KCNK10: variants seen among roughly 807,000 people sequenced by gnomAD.
The protein encoded by KCNK10 is potassium two pore domain channel subfamily K member 10, also known as potassium channel subfamily K member 10.
In KCNK10, 25 loss-of-function variants were observed where a neutral mutation model predicts 47.7. The ratio of observed to expected loss-of-function variants is 0.52; its 90% CI spans 0.38 to 0.73. The LOEUF (loss-of-function observed/expected upper bound fraction) is 0.73, where lower values mean the gene tolerates loss of function less well. Ranked by LOEUF, KCNK10 falls within the 30% of genes least tolerant of loss-of-function variation. KCNK10 has a pLI of 0.00. For missense variants in KCNK10, 563 were observed against 714.5 expected (o/e 0.79, Z 2.42); for synonymous variants, 303 against 285.6 (o/e 1.06, Z -0.61).
chr14:88,253,237 G>C (rs1886849761), intron 2 of KCNK10, among the ~76,000 whole-genome samples: 1 of 152,164 alleles, frequency 6.6e-6, no homozygotes, highest in South Asian at 2.1e-4. Flanking sequence ...CAGAGGATAG[G>C]GAAGGATTTG....
At chr14:88,235,225 C>T (rs1340180795) in intron 3 of KCNK10, 1 of 456,634 alleles carries the variant, frequency 2.2e-6, no homozygotes, top group Non-Finnish European at 4.4e-6. Context: ...TCTCCTCTCC[C>T]CAACTCCATG....
At position 88,287,674 on chromosome 14, in the gene KCNK10, GGTGTGTGTGTGTGTGTGTGTGTGT is replaced by G. The variant is rs199702993; in HGVS notation, c.53-24147_53-24124del. ...TTTTTATGGCTGAATAGTATTCCAT[GGTGTGTGTGTGTGTGTGTGTGTGT>G]GTGTGTGTGTGTGTGTGTGTGTGTG... On this transcript the variant is annotated intron_variant, in intron 1 of 6. Coordinates refer to ENST00000319231, the MANE Select transcript of KCNK10 (RefSeq NM_138317.3). 1.4e-3 allele frequency among the ~76,000 whole-genome samples: 198 copies of G among 141,528 alleles called. 1 individual carries two copies. Among genetic ancestry groups the G allele is most frequent in the South Asian group, 9.7e-3 (42 of 4,330 alleles). 92.8% of individuals were successfully genotyped at this position (141,528 alleles called of 152,430 possible). A position where few individuals can be genotyped will look rare whatever the true frequency, so the allele number is the denominator to read the frequency against.
In KCNK10 at chr14:88,270,753, A is replaced by T. The variant is rs746740042; in HGVS notation, c.53-7202T>A. Reference sequence around the variant, plus strand: ...CTTCTCTCACCTGAATCACTGCGACAGCCTTCAGTCCTGTCCCCCTTAAAT... The same window carrying T: ...CTTCTCTCACCTGAATCACTGCGACTGCCTTCAGTCCTGTCCCCCTTAAAT... On this transcript the variant is annotated intron_variant, in intron 1 of 6. Coordinates refer to ENST00000319231, the MANE Select transcript of KCNK10 (RefSeq NM_138317.3). 3.8e-6 allele frequency: 3 copies of T among 781,090 alleles called. No homozygotes were observed. In the East Asian group the frequency reaches 7.3e-5, roughly 19 times the overall value. 48.4% of individuals were successfully genotyped at this position (781,090 alleles called of 1,614,324 possible).
chr14:88,226,977 T>C (rs567558382), intron 4 of KCNK10, among the ~76,000 whole-genome samples: 1 of 152,296 alleles, frequency 6.6e-6, no homozygotes, highest in African/African-American at 2.4e-5. Flanking sequence ...AAAGACACTG[T>C]GCTTGAAAAT....
chr14:88,258,500 A>G (rs979293458), intron 2 of KCNK10, among the ~76,000 whole-genome samples: 1 of 152,176 alleles, frequency 6.6e-6, no homozygotes, highest in African/African-American at 2.4e-5. Context: ...CATGTTGGTC[A>G]GGCTGGTCTC....
At chr14:88,239,167 C>T (rs1038874275) in intron 3 of KCNK10, among the ~76,000 whole-genome samples, 1 of 151,824 alleles carries the variant, frequency 6.6e-6, no homozygotes, top group African/African-American at 2.4e-5. Flanking sequence ...CACCAATAGA[C>T]TTGTTCAATG....
chr14:88,262,490 G>C (rs1235791595), intron 2 of KCNK10, among the ~76,000 whole-genome samples: 1 of 152,168 alleles, frequency 6.6e-6, no homozygotes, highest in East Asian at 1.9e-4. Context: ...GCTCCTTACC[G>C]CCACAGTCCA....
chr14:88,237,666 G>A (rs575681886), intron 3 of KCNK10, among the ~76,000 whole-genome samples: 1 of 152,310 alleles, frequency 6.6e-6, no homozygotes, highest in Non-Finnish European at 1.5e-5. Context: ...GTGACTAGGT[G>A]CATTGTCAGT....
At chr14:88,292,578 C>T (rs1185506265) in intron 1 of KCNK10, among the ~76,000 whole-genome samples, 3 of 151,992 alleles carry the variant, frequency 2.0e-5, no homozygotes, top group Admixed American at 1.3e-4. Context: ...CTTGAACTGC[C>T]GACCTGAGGT....
At chr14:88,304,071 C>T (rs776745701) in intron 1 of KCNK10, among the ~76,000 whole-genome samples, 1 of 152,040 alleles carries the variant, frequency 6.6e-6, no homozygotes, top group Non-Finnish European at 1.5e-5. Flanking sequence ...CTAAATTGTA[C>T]TTTGGGAGAG....
chr14:88,196,838 T>C (rs1409767088), intron 4 of KCNK10, among the ~76,000 whole-genome samples: 3 of 152,244 alleles, frequency 2.0e-5, no homozygotes, highest in Non-Finnish European at 2.9e-5. Flanking sequence ...CTTCATTTTC[T>C]TATAACATGT....
chr14:88,292,789 C>T (rs756573059), intron 1 of KCNK10, among the ~76,000 whole-genome samples: 10 of 152,194 alleles, frequency 6.6e-5, no homozygotes, highest in Non-Finnish European at 1.0e-4. Context: ...CACACCACCA[C>T]GCCCAGCTAG....
At chr14:88,200,876 A>C (rs1885078991) in intron 4 of KCNK10, among the ~76,000 whole-genome samples, 1 of 152,250 alleles carries the variant, frequency 6.6e-6, no homozygotes, top group African/African-American at 2.4e-5. Context: ...GTGATAAATC[A>C]GACGTGTTGT....
intron 4 of KCNK10, among the ~76,000 whole-genome samples, chr14:88,196,041 T>C (rs1042856318): frequency 2.6e-5 from 4 of 152,268 alleles, no homozygotes; most frequent in Non-Finnish European, 4.4e-5. Flanking sequence ...ATATGATATT[T>C]GGGTAGAACT....
chr14:88,259,211 A>G (rs936723799), intron 2 of KCNK10, among the ~76,000 whole-genome samples: 1 of 152,238 alleles, frequency 6.6e-6, no homozygotes, highest in African/African-American at 2.4e-5. Context: ...AAGAGTGGAC[A>G]CTTTCATCCT....
chr14:88,228,474 T>G (rs1177591189), intron 3 of KCNK10, among the ~76,000 whole-genome samples: 1 of 152,216 alleles, frequency 6.6e-6, no homozygotes. Context: ...CTAAATTAAT[T>G]AATATTCATT....
At chr14:88,189,036 G>T (rs1884661459) in intron 5 of KCNK10, among the ~76,000 whole-genome samples, 1 of 152,132 alleles carries the variant, frequency 6.6e-6, no homozygotes, top group African/African-American at 2.4e-5. Context: ...GCAGGCAGTG[G>T]CCATTTCTAA....
At chr14:88,205,542 CT>C (rs200265659) in intron 4 of KCNK10, among the ~76,000 whole-genome samples, 3,738 of 115,736 alleles carry the variant, frequency 0.032, 106 homozygotes, top group East Asian at 0.2. Context: ...CTTTTCTTTT[CT>C]TTTTTTTTTT....
chr14:88,256,326 T>A (rs1411006305), intron 2 of KCNK10, among the ~76,000 whole-genome samples: 1 of 152,174 alleles, frequency 6.6e-6, no homozygotes, highest in African/African-American at 2.4e-5. Context: ...CTGTGGTCAC[T>A]CCACTGGTCA....
Sources: allele counts gnomAD v4.1 joint callset (sites outside exome capture counted in the v4.1 genomes callset), GRCh38; gene constraint gnomAD v4.1.1; transcripts MANE v1.5; gene names NCBI Gene and HGNC (gene_info 2026-07-23, HGNC 2026-07-21).